The following SBF2 variants were observed in gnomAD, a reference collection of about 807,000 sequenced individuals.
SBF2 encodes the protein SET binding factor 2.
A neutral mutation model predicts 225.2 loss-of-function variants in SBF2; 112 were observed. That is an observed-to-expected ratio of 0.50 (90% confidence interval 0.43 to 0.58). The LOEUF (loss-of-function observed/expected upper bound fraction) is 0.58, where lower values mean the gene tolerates loss of function less well. Ranked by LOEUF, SBF2 falls within the 20% of genes least tolerant of loss-of-function variation. The pLI is 0.00. For synonymous variants in SBF2, 763 were observed against 773.3 expected (o/e 0.99, Z 0.22); for missense variants, 1,996 against 2,206.2 (o/e 0.90, Z 1.91).
At chr11:10,287,681 T>C (rs1267665951) in intron 1 of SBF2, among the ~76,000 whole-genome samples, 1 of 152,260 alleles carries the variant, frequency 6.6e-6, no homozygotes, top group Non-Finnish European at 1.5e-5. Flanking sequence ...ATGTAATTTA[T>C]ACTTTATTAG....
At chr11:9,851,148 AACAAC>A in intron 21 of SBF2, among the ~76,000 whole-genome samples, 1 of 125,578 alleles carries the variant, frequency 8.0e-6, no homozygotes, top group Non-Finnish European at 1.8e-5. Flanking sequence ...AAAAAAAAAA[AACAAC>A]AACAAAAAAA....
intron 1 of SBF2, among the ~76,000 whole-genome samples, chr11:10,242,201 G>C (rs540786354): frequency 6.6e-6 from 1 of 151,862 alleles, no homozygotes; most frequent in Admixed American, 6.6e-5. Context: ...ATAAAGAGTC[G>C]TTCTGACATA....
At chr11:10,284,259 A>G (rs1338798802) in intron 1 of SBF2, among the ~76,000 whole-genome samples, 2 of 152,162 alleles carry the variant, frequency 1.3e-5, no homozygotes, top group Non-Finnish European at 2.9e-5. Context: ...CCTCAGTTTT[A>G]CCTATACTCA....
chr11:9,780,749 G>T, intron 39 of SBF2: 1 of 526,090 alleles, frequency 1.9e-6, no homozygotes, highest in Non-Finnish European at 3.4e-6. Context: ...CACTGGGAGC[G>T]CCTTATTTTG....
At chr11:9,803,940 C>T (rs1309658091) in intron 32 of SBF2, among the ~76,000 whole-genome samples, 9 of 152,058 alleles carry the variant, frequency 5.9e-5, no homozygotes, top group East Asian at 1.9e-4. Context: ...GAGAAGGTAA[C>T]GATTTGCTGT....
At chr11:9,972,046 A>C (rs1055089174) in intron 13 of SBF2, among the ~76,000 whole-genome samples, 1 of 152,218 alleles carries the variant, frequency 6.6e-6, no homozygotes, top group African/African-American at 2.4e-5. Flanking sequence ...AGTATAACAA[A>C]GTATTTTTAG....
chr11:10,041,127 T>C (rs1362119659), intron 3 of SBF2, among the ~76,000 whole-genome samples: 2 of 151,996 alleles, frequency 1.3e-5, no homozygotes, highest in South Asian at 2.1e-4. Context: ...CTCAAGAATA[T>C]GGAAATAACA....
At chr11:9,832,928 C>T (rs768028969) in intron 26 of SBF2, among the ~76,000 whole-genome samples, 1 of 152,176 alleles carries the variant, frequency 6.6e-6, no homozygotes, top group Admixed American at 6.5e-5. Flanking sequence ...ATGTAGAATT[C>T]TTTAAAAGGC....
chr11:9,863,427 C>G (rs770752617), intron 17 of SBF2, among the ~76,000 whole-genome samples: 1 of 152,122 alleles, frequency 6.6e-6, no homozygotes, highest in African/African-American at 2.4e-5. Context: ...ATGTAATGGT[C>G]TTAAAGAATA....
intron 2 of SBF2, among the ~76,000 whole-genome samples, chr11:10,135,359 A>C (rs1043912990): frequency 2.9e-4 from 44 of 152,188 alleles, no homozygotes; most frequent in African/African-American, 1.1e-3. Context: ...CCTTTTCCGC[A>C]TGGCCTTGGC....
chr11:9,829,586 A>G lies in SBF2; in HGVS notation c.3653-90T>C, dbSNP rs1855265829. 8 of 1,177,734 alleles carry G rather than the reference A, an allele frequency of 6.8e-6. No homozygotes were observed. In the South Asian group the frequency reaches 8.8e-5, roughly 13 times the overall value. 73.0% of individuals were successfully genotyped at this position (1,177,734 alleles called of 1,614,324 possible). ...TATCTATCTATCTACCTATCTATCT[A>G]TGCTTATTTTTCTCTATATAGTCTA... On this transcript the variant is annotated intron_variant, in intron 27 of 39. Transcript: ENST00000256190.
At chr11:10,173,994 G>A (rs569062882) in intron 2 of SBF2, among the ~76,000 whole-genome samples, 101 of 151,858 alleles carry the variant, frequency 6.7e-4, no homozygotes, top group Middle Eastern at 3.4e-3. Flanking sequence ...GGACATCCAC[G>A]CCAAAAACCC....
At chr11:9,932,297 C>T (rs1193275716) in intron 16 of SBF2, among the ~76,000 whole-genome samples, 1 of 152,114 alleles carries the variant, frequency 6.6e-6, no homozygotes, top group Non-Finnish European at 1.5e-5. Flanking sequence ...AAAGATACTC[C>T]TCGAGAAGAG....
At chr11:9,842,926 T>A (rs974203104) in intron 24 of SBF2, among the ~76,000 whole-genome samples, 156 bp from the exon 25 acceptor site, 5 of 152,248 alleles carry the variant, frequency 3.3e-5, no homozygotes, top group African/African-American at 9.6e-5. Context: ...TTACTTTTAA[T>A]ATGGCAGTAG....
chr11:9,796,198 C>T (rs539507906), intron 32 of SBF2, among the ~76,000 whole-genome samples: 13 of 151,858 alleles, frequency 8.6e-5, no homozygotes, highest in Admixed American at 6.6e-4. Context: ...TTAATCTCTA[C>T]GGTATAGCAA....
chr11:10,098,989 C>T (rs1952168149), intron 2 of SBF2, among the ~76,000 whole-genome samples: 1 of 150,596 alleles, frequency 6.6e-6, no homozygotes, highest in East Asian at 2.0e-4. Context: ...ATGAACCAAA[C>T]CAAAATATGC....
At chr11:9,929,023 C>T (rs1441200803) in intron 16 of SBF2, 2 of 464,468 alleles carry the variant, frequency 4.3e-6, no homozygotes, top group African/African-American at 2.0e-5. Context: ...AATGAACATA[C>T]AGTGCAGTGC....
rs1486397465 is a variant in SBF2 at position 9,789,071 on chromosome 11, C to T, written c.4932+38G>A. 9 of 1,579,152 alleles carry T rather than the reference C, an allele frequency of 5.7e-6. No individual in the cohort carries two copies. The East Asian group carries it at 1.6e-4, about 27-fold the overall frequency. On this transcript the variant is annotated intron_variant, in intron 35 of 39. Coordinates refer to ENST00000256190, the MANE Select transcript of SBF2 (RefSeq NM_030962.4). Reference sequence around the variant, plus strand: ...TCCTTTGCCCTCATGCCTCCAGGGCCCCTGGTGCCCCTAGGTGTGTGTCTA... The same window carrying T: ...TCCTTTGCCCTCATGCCTCCAGGGCTCCTGGTGCCCCTAGGTGTGTGTCTA...
At chr11:9,988,891 C>T (rs1565099703) in intron 13 of SBF2, among the ~76,000 whole-genome samples, 1 of 152,190 alleles carries the variant, frequency 6.6e-6, no homozygotes, top group Non-Finnish European at 1.5e-5. Flanking sequence ...ATCCAGCAAT[C>T]ACACTACGGG....
Sources: allele counts gnomAD v4.1 joint callset (sites outside exome capture counted in the v4.1 genomes callset), GRCh38; gene constraint gnomAD v4.1.1; transcripts MANE v1.5; gene names NCBI Gene and HGNC (gene_info 2026-07-23, HGNC 2026-07-21).